The following PLA2G4D variants were observed in gnomAD, a reference collection of about 807,000 sequenced individuals.
PLA2G4D encodes phospholipase A2 group IVD, also known as cytosolic phospholipase A2 delta.
A neutral mutation model predicts 94.4 loss-of-function variants in PLA2G4D; 80 were observed. The observed-to-expected ratio is 0.85, with a 90% CI of 0.71 to 1.02. The LOEUF (loss-of-function observed/expected upper bound fraction) is 1.02. Among genes scored for constraint, PLA2G4D ranks in the 50% least tolerant of loss-of-function variants. The pLI is 0.00. For synonymous variants in PLA2G4D, 438 were observed against 440.9 expected (o/e 0.99, Z 0.08); for missense variants, 1,050 against 1,034.7 (o/e 1.01, Z -0.20).
chr15:42,074,023 T>C (rs374255935), intron 13 of PLA2G4D, among the ~76,000 whole-genome samples: 9 of 152,220 alleles, frequency 5.9e-5, no homozygotes, highest in East Asian at 3.8e-4. Context: ...GTGGTGTACG[T>C]ACGAGTCAGT....
rs980366505 is a variant in PLA2G4D, at chr15:42,082,757, T to A, written c.673-368A>T. Among the ~76,000 whole-genome samples the A allele has an allele frequency of 4.6e-5, 7 of 151,768 alleles. No homozygotes were observed. In the East Asian group the frequency reaches 1.2e-3, roughly 25 times the overall value. ...TGAAGAGCCACCATTTGAGCTAAGA[T>A]GTTGAGGAGGAGGAGGAGGAGGCAG... is the stretch of plus-strand genomic sequence containing the variant. On this transcript the variant is annotated intron_variant, in intron 8 of 19. Transcript: ENST00000290472.
Position 42,067,325 on chromosome 15 carries a change from CAGG to C in PLA2G4D, c.*1387_*1389del, listed in dbSNP as rs1889704304. ...CTGAGGCAGGAGGATTGCTTGAGTT[CAGG>C]AGTTCAAGACCAGCCTGGGCAACAT... On this transcript the variant is annotated 3_prime_UTR_variant, in exon 20 of 20. Coordinates refer to ENST00000290472, the MANE Select transcript of PLA2G4D (RefSeq NM_178034.4). 1 of 152,376 alleles carries C rather than the reference CAGG, an allele frequency of 6.6e-6. No individual in the cohort carries two copies. The highest frequency in any genetic ancestry group is 1.9e-4 in the East Asian group (1 of 5,188). 9.4% of individuals were successfully genotyped at this position (152,376 alleles called of 1,614,324 possible). A position where few individuals can be genotyped will look rare whatever the true frequency, so the allele number is the denominator to read the frequency against.
In PLA2G4D at chr15:42,071,919, G is replaced by T; in HGVS notation, c.1436-8C>A. The T allele has an allele frequency of 6.2e-7, 1 of 1,613,588 alleles. No individual in the cohort carries two copies. Among genetic ancestry groups the T allele is most frequent in the Non-Finnish European group, 8.5e-7 (1 of 1,179,646 alleles). ...GGGAGAACTCAACCCACTCTAATGG[G>T]GTGGGAAGGAGAGGCAGGAGTGTGA... On this transcript the variant is annotated splice_polypyrimidine_tract_variant and splice_region_variant and intron_variant, in intron 14 of 19. Coordinates refer to ENST00000290472, the MANE Select transcript of PLA2G4D (RefSeq NM_178034.4).
rs531674452 is a variant in PLA2G4D at position 42,067,752 on chromosome 15, C to T, written c.*963G>A. The T allele has an allele frequency of 3.3e-5, 5 of 152,232 alleles. No individual in the cohort carries two copies. The East Asian group carries it at 9.7e-4, about 29-fold the overall frequency. 9.4% of individuals were successfully genotyped at this position (152,232 alleles called of 1,614,324 possible). A position where few individuals can be genotyped will look rare whatever the true frequency, so the allele number is the denominator to read the frequency against. On this transcript the variant is annotated 3_prime_UTR_variant, in exon 20 of 20. Coordinates refer to ENST00000290472, the MANE Select transcript of PLA2G4D (RefSeq NM_178034.4). The stretch of plus-strand genomic sequence containing the variant: ...GACACAGAAAAATCACTTGACAAAA[C>T]CTAACACCGTTTCATCATAAAACAC...
In PLA2G4D at chr15:42,094,467, C is replaced by T; in HGVS notation, c.-8G>A. 1.9e-6 allele frequency: 3 copies of T among 1,614,108 alleles called. No individual in the cohort carries two copies. Among genetic ancestry groups the T allele is most frequent in the South Asian group, 2.2e-5 (2 of 91,080 alleles). ...AGGTGACAGGCTCTCCATGCTAGCC[C>T]TTCCAGCTTCACTCCAGGCCCAGCC... is the stretch of plus-strand genomic sequence containing the variant. On this transcript the variant is annotated 5_prime_UTR_variant, in exon 1 of 20. Transcript: ENST00000290472.
intron 7 of PLA2G4D, 142 bp from the exon 8 acceptor site, chr15:42,083,476 C>T (rs772162040): frequency 4.8e-5 from 64 of 1,336,622 alleles, no homozygotes; most frequent in Non-Finnish European, 6.4e-5. Context: ...AAGGGCCCTT[C>T]CCAGCCCAAG....
In PLA2G4D at chr15:42,068,180, A is replaced by T. The variant is rs1239578831; in HGVS notation, c.*535T>A. 1 of 152,560 alleles carries T rather than the reference A, an allele frequency of 6.6e-6. No homozygotes were observed. Among genetic ancestry groups the T allele is most frequent in the African/African-American group, 2.4e-5 (1 of 41,462 alleles). The allele number at this position is 152,560 out of a possible 1,614,324, so 9.5% of individuals were successfully genotyped here. On this transcript the variant is annotated 3_prime_UTR_variant, in exon 20 of 20. Coordinates refer to ENST00000290472, the MANE Select transcript of PLA2G4D (RefSeq NM_178034.4). The stretch of plus-strand genomic sequence containing the variant: ...TAAATGAAATTAAGAAAGTAACTCC[A>T]CTTATCAAAAAGAATAAAATATTTA...
Position 42,068,798 on chromosome 15 carries a change from T to A in PLA2G4D, c.2374A>T (p.Ser792Cys). 1 of 1,613,678 alleles carries A rather than the reference T, an allele frequency of 6.2e-7. No homozygotes were observed. The highest frequency in any genetic ancestry group is 1.1e-5 in the South Asian group (1 of 90,952). The change falls in exon 20 of 20, where the codon AGC becomes TGC. Residue 792 changes from serine to cysteine, a missense_variant. Transcript: ENST00000290472. ...LRLSDYNVQT[S>C]QGAILQALRT... is the part of the protein sequence containing the mutation. ...AGGGCCTGCAGGATGGCACCCTGGC[T>A]GGTCTGCACGTTGTAGTCACTGAGC...
At position 42,070,702 on chromosome 15, in the gene PLA2G4D, G is replaced by A. The variant is rs773277567; in HGVS notation, c.2043+15C>T. The A allele has an allele frequency of 3.2e-5, 49 of 1,550,842 alleles. 2 individuals carry two copies. The South Asian group carries it at 4.9e-4, about 15-fold the overall frequency. On this transcript the variant is annotated intron_variant, in intron 18 of 19. Coordinates refer to ENST00000290472, the MANE Select transcript of PLA2G4D (RefSeq NM_178034.4). ...CTGGCTGGGCAGAGGGGTTCCCCTG[G>A]GGTGACCAGGGTACCTCGAAGGGCG...
rs917901103 is a variant in PLA2G4D at position 42,085,200 on chromosome 15, T to C, written c.429-62A>G. The C allele has an allele frequency of 6.9e-6, 11 of 1,590,246 alleles. No individual in the cohort carries two copies. In the East Asian group the frequency reaches 1.8e-4, roughly 26 times the overall value. On this transcript the variant is annotated intron_variant, in intron 5 of 19. Transcript: ENST00000290472. ...TGCATTGACCTCCCGCTCCCGCCCATGTGGGGTCTCCCTGGGTGATGCTGA... is the reference window on the plus strand; with the variant it reads ...TGCATTGACCTCCCGCTCCCGCCCACGTGGGGTCTCCCTGGGTGATGCTGA...
At chr15:42,086,451 C>T (rs1890150785) in intron 3 of PLA2G4D, 107 bp from the exon 4 acceptor site, 7 of 1,054,876 alleles carry the variant, frequency 6.6e-6, no homozygotes, top group South Asian at 1.4e-5. Context: ...ATCATTATGC[C>T]ACCACACGTC....
At chr15:42,081,419 A>C (rs1890035820) in intron 11 of PLA2G4D, 60 bp downstream of exon 11, 7 of 1,571,798 alleles carry the variant, frequency 4.5e-6, no homozygotes. Context: ...CATAGGAATC[A>C]GGTACTCCCT....
chr15:42,087,720 C>T lies in PLA2G4D; in HGVS notation c.46-20G>A. The T allele has an allele frequency of 6.2e-7, 1 of 1,612,658 alleles. No homozygotes were observed. The highest frequency in any genetic ancestry group is 1.7e-5 in the Admixed American group (1 of 59,992). On this transcript the variant is annotated intron_variant, in intron 1 of 19. Transcript: ENST00000290472. The stretch of plus-strand genomic sequence containing the variant: ...CTCCCCCTGAAGAGAAAATCAAACT[C>T]CAGAGTCCTTCCTGCATTCCCTCCC...
chr15:42,092,259 A>G (rs1035578664), intron 1 of PLA2G4D, among the ~76,000 whole-genome samples: 4 of 152,180 alleles, frequency 2.6e-5, no homozygotes, highest in South Asian at 2.1e-4. Context: ...AACTTGCCCA[A>G]GGTCACAGAG....
In PLA2G4D at chr15:42,071,108, G is replaced by T; in HGVS notation, c.1876+15C>A. 1.3e-6 allele frequency: 2 copies of T among 1,597,678 alleles called. No individual in the cohort carries two copies. The highest frequency in any genetic ancestry group is 1.7e-6 in the Non-Finnish European group (2 of 1,175,882). On this transcript the variant is annotated intron_variant, in intron 17 of 19. Coordinates refer to ENST00000290472, the MANE Select transcript of PLA2G4D (RefSeq NM_178034.4). Reference sequence around the variant, plus strand: ...CCAACCTTGTGACCTAGGGACCCCTGGCCACGGCCCTGACCTGCCCAGGTG... The same window carrying T: ...CCAACCTTGTGACCTAGGGACCCCTTGCCACGGCCCTGACCTGCCCAGGTG...
rs1477198225 is a variant in PLA2G4D, at chr15:42,084,730, A to G, written c.471+366T>C. 6.6e-6 allele frequency among the ~76,000 whole-genome samples: 1 copy of G among 152,176 alleles called. No individual in the cohort carries two copies. Among genetic ancestry groups the G allele is most frequent in the Non-Finnish European group, 1.5e-5 (1 of 68,026 alleles). Reference sequence around the variant, plus strand: ...TCTGAGCCTCGGTGACCTCAACGTGAACAACCGGAAGGTGGGCCTGGCCTA... The same window carrying G: ...TCTGAGCCTCGGTGACCTCAACGTGGACAACCGGAAGGTGGGCCTGGCCTA... On this transcript the variant is annotated intron_variant, in intron 6 of 19. Coordinates refer to ENST00000290472, the MANE Select transcript of PLA2G4D (RefSeq NM_178034.4). The surrounding 1 kb of genome is among the most constrained non-coding windows in gnomAD (Gnocchi z 4.8).
In PLA2G4D at chr15:42,068,425, A is replaced by C. The variant is rs1225134766; in HGVS notation, c.*290T>G. The stretch of plus-strand genomic sequence containing the variant: ...TCTGCTGCCTCCGGCTTGCACTTCA[A>C]ATCTATCCTGCTCAGGCATGGAAGT... On this transcript the variant is annotated 3_prime_UTR_variant, in exon 20 of 20. Transcript: ENST00000290472. 9.7e-6 allele frequency: 4 copies of C among 410,290 alleles called. No homozygotes were observed. The highest frequency in any genetic ancestry group is 8.0e-5 in the Admixed American group (2 of 25,026). 25.4% of individuals were successfully genotyped at this position (410,290 alleles called of 1,614,324 possible).
intron 18 of PLA2G4D, 170 bp from the exon 19 acceptor site, chr15:42,070,265 G>C: frequency 1.6e-6 from 1 of 618,930 alleles, no homozygotes; most frequent in Admixed American, 3.9e-5. Flanking sequence ...GGGAGTCCAA[G>C]GACTCTGGTG....
At position 42,071,457 on chromosome 15, in the gene PLA2G4D, C is replaced by T; in HGVS notation, c.1668G>A (p.Lys556=). 1.2e-6 allele frequency: 2 copies of T among 1,613,038 alleles called. No individual in the cohort carries two copies. Among genetic ancestry groups the T allele is most frequent in the Non-Finnish European group, 1.7e-6 (2 of 1,179,354 alleles). Reference sequence around the variant, plus strand: ...TGCCCTTCCCACCTAAGCTCCTGGTCTTGTCCTTGATGTGCTGTTTCCAGG... The same window carrying T: ...TGCCCTTCCCACCTAAGCTCCTGGTTTTGTCCTTGATGTGCTGTTTCCAGG... The part of the protein sequence containing the change: ...GESWKQHIKD[K]TRSLEKEPLT... The change falls in exon 16 of 20, where the codon AAG becomes AAA. Residue 556 remains lysine (K), a synonymous_variant. Coordinates refer to ENST00000290472, the MANE Select transcript of PLA2G4D (RefSeq NM_178034.4).
Sources: gnomAD v4.1 joint callset for allele counts (sites outside exome capture counted in the v4.1 genomes callset) on GRCh38, gnomAD v4.1.1 for gene constraint, Gnocchi (gnomAD v3.1) non-coding constraint, MANE v1.5 for transcripts, NCBI Gene and HGNC (gene_info 2026-07-23, HGNC 2026-07-21) for gene names.